CACNA2D3: variants seen among roughly 807,000 people sequenced by gnomAD.
The protein encoded by CACNA2D3 is calcium voltage-gated channel auxiliary subunit alpha2delta 3, also known as voltage-dependent calcium channel subunit alpha-2/delta-3.
In CACNA2D3, 60 loss-of-function variants were observed where a neutral mutation model predicts 160.6. The observed-to-expected ratio is 0.37, with a 90% CI of 0.30 to 0.46. CACNA2D3 has a LOEUF of 0.46. CACNA2D3 is among the 20% of genes least tolerant of loss of function. CACNA2D3 has a pLI of 1.00. For missense variants in CACNA2D3, 1,205 were observed against 1,365.0 expected (o/e 0.88, Z 1.85); for synonymous variants, 558 against 492.9 (o/e 1.13, Z -1.75).
intron 4 of CACNA2D3, among the ~76,000 whole-genome samples, chr3:54,476,878 A>C (rs1462964797): frequency 6.6e-6 from 1 of 152,198 alleles, no homozygotes; most frequent in African/African-American, 2.4e-5. Context: ...AATTTCTAAG[A>C]CATCAATAAC....
intron 2 of CACNA2D3, among the ~76,000 whole-genome samples, chr3:54,240,420 A>C (rs1021101963): frequency 2.6e-5 from 4 of 152,212 alleles, no homozygotes; most frequent in African/African-American, 9.6e-5. Context: ...AAAGGCGGTT[A>C]CTGAAAACCC....
At chr3:54,441,175 C>A (rs1163635913) in intron 4 of CACNA2D3, among the ~76,000 whole-genome samples, 1 of 152,164 alleles carries the variant, frequency 6.6e-6, no homozygotes, top group African/African-American at 2.4e-5. Flanking sequence ...TAATGATTGC[C>A]ATTCTAACTG....
At chr3:54,668,802 C>A (rs776634577) in intron 11 of CACNA2D3, among the ~76,000 whole-genome samples, 1 of 151,642 alleles carries the variant, frequency 6.6e-6, no homozygotes, top group Admixed American at 6.6e-5. Flanking sequence ...CCTGGAAGGC[C>A]GTACAGTGTC....
chr3:54,140,347 A>G (rs1329601089), intron 2 of CACNA2D3, among the ~76,000 whole-genome samples: 3 of 152,220 alleles, frequency 2.0e-5, no homozygotes, highest in Non-Finnish European at 1.5e-5. Flanking sequence ...ACAGAGATGC[A>G]AAAACACTGT....
Position 54,679,999 on chromosome 3 carries a change from T to C in CACNA2D3, c.1167+37758T>C, listed in dbSNP as rs932652635. ...AATTTAAATTCTAAAACCTGTACTT[T>C]ATGAAAACCAGTAACAGCGGAAAGA... On this transcript the variant is annotated intron_variant, in intron 11 of 37. Coordinates refer to ENST00000474759, the MANE Select transcript of CACNA2D3 (RefSeq NM_018398.3). Among the ~76,000 whole-genome samples, 4 of 152,368 alleles carry C rather than the reference T, an allele frequency of 2.6e-5. 1 individual carries two copies. Among genetic ancestry groups the C allele is most frequent in the Middle Eastern group, 6.8e-3 (2 of 294 alleles).
intron 4 of CACNA2D3, among the ~76,000 whole-genome samples, chr3:54,444,263 C>T (rs1700187402): frequency 6.6e-6 from 1 of 152,152 alleles, no homozygotes. Context: ...GTCCCAGACA[C>T]CTTTTTTTCT....
intron 27 of CACNA2D3, among the ~76,000 whole-genome samples, chr3:54,916,131 A>G (rs1385980712): frequency 6.6e-6 from 1 of 152,192 alleles, no homozygotes; most frequent in African/African-American, 2.4e-5. Flanking sequence ...GCTCTCAGCT[A>G]ATGTAATATC....
At chr3:54,405,634 T>TA (rs1439768690) in intron 4 of CACNA2D3, among the ~76,000 whole-genome samples, 17 of 151,694 alleles carry the variant, frequency 1.1e-4, no homozygotes, top group Admixed American at 6.6e-5. Context: ...ATATAGGGGG[T>TA]AAACTCCTTG....
intron 12 of CACNA2D3, among the ~76,000 whole-genome samples, chr3:54,757,755 C>T (rs900643503): frequency 6.6e-6 from 1 of 152,136 alleles, no homozygotes; most frequent in Non-Finnish European, 1.5e-5. Flanking sequence ...CCCAAAGGCT[C>T]TATGAGGTAC....
At chr3:54,265,592 ATAGT>A (rs1702488785) in intron 2 of CACNA2D3, among the ~76,000 whole-genome samples, 2 of 149,868 alleles carry the variant, frequency 1.3e-5, no homozygotes, top group Non-Finnish European at 3.0e-5. Context: ...GTATATATAT[ATAGT>A]GTGTATATAT....
chr3:54,139,400 T>C (rs1699878480), intron 2 of CACNA2D3, among the ~76,000 whole-genome samples: 1 of 152,242 alleles, frequency 6.6e-6, no homozygotes, highest in East Asian at 1.9e-4. Flanking sequence ...AAGGCAGACT[T>C]AGCTGAATGG....
At chr3:54,254,264 C>T (rs1702253169) in intron 2 of CACNA2D3, among the ~76,000 whole-genome samples, 1 of 152,124 alleles carries the variant, frequency 6.6e-6, no homozygotes, top group Non-Finnish European at 1.5e-5. Context: ...GGATCATCTT[C>T]CATTTCCAGA....
At chr3:54,324,225 C>T (rs1704073092) in intron 3 of CACNA2D3, among the ~76,000 whole-genome samples, 1 of 152,108 alleles carries the variant, frequency 6.6e-6, no homozygotes, top group Non-Finnish European at 1.5e-5. Flanking sequence ...TCATCATTTT[C>T]CTCCATCACT....
intron 2 of CACNA2D3, among the ~76,000 whole-genome samples, chr3:54,318,690 T>C (rs1444432906): frequency 9.3e-6 from 1 of 108,026 alleles, no homozygotes; most frequent in African/African-American, 4.0e-5. Flanking sequence ...GTAAGAGGAG[T>C]ATCTTTTTTT....
intron 2 of CACNA2D3, among the ~76,000 whole-genome samples, chr3:54,131,370 C>G (rs1028708009): frequency 1.3e-4 from 20 of 152,190 alleles, no homozygotes; most frequent in Non-Finnish European, 2.9e-5. Flanking sequence ...CAGAGAAGCC[C>G]ATCACCCAAG....
intron 13 of CACNA2D3, among the ~76,000 whole-genome samples, chr3:54,769,705 T>C (rs1279326615): frequency 6.6e-6 from 1 of 152,230 alleles, no homozygotes; most frequent in African/African-American, 2.4e-5. Context: ...TTTCCTGGGC[T>C]GAAGGAAGTT....
intron 35 of CACNA2D3, among the ~76,000 whole-genome samples, chr3:55,030,713 C>A (rs1982862): frequency 0.16 from 24,976 of 152,056 alleles, 2,106 homozygotes; most frequent in Admixed American, 0.18. Context: ...TTCCCTGATT[C>A]TTTTCCTCAG....
chr3:54,211,318 T>C (rs1224833426), intron 2 of CACNA2D3, among the ~76,000 whole-genome samples: 1 of 152,174 alleles, frequency 6.6e-6, no homozygotes, highest in East Asian at 1.9e-4. Flanking sequence ...TAGGACATTG[T>C]GTGAATGGTT....
intron 35 of CACNA2D3, among the ~76,000 whole-genome samples, chr3:55,021,683 A>G (rs535987580): frequency 8.4e-4 from 119 of 142,132 alleles, no homozygotes; most frequent in African/African-American, 2.8e-3. Context: ...ATATGTGTAT[A>G]TATATATATG....
Sources: gnomAD v4.1 joint callset for allele counts (sites outside exome capture counted in the v4.1 genomes callset) on GRCh38, gnomAD v4.1.1 for gene constraint, MANE v1.5 for transcripts, NCBI Gene and HGNC (gene_info 2026-07-23, HGNC 2026-07-21) for gene names.